PCDH11X: variants seen among roughly 807,000 people sequenced by gnomAD.
PCDH11X encodes protocadherin 11 X-linked.
PCDH11X carries 18 observed loss-of-function variants against 53.3 expected under a neutral mutation model. The observed-to-expected ratio is 0.34, with a 90% CI of 0.23 to 0.50. The LOEUF (loss-of-function observed/expected upper bound fraction) is 0.50, where lower values mean the gene tolerates loss of function less well. Among genes scored for constraint, PCDH11X ranks in the 20% least tolerant of loss-of-function variants. PCDH11X has a pLI of 0.98. For synonymous variants in PCDH11X, 279 were observed against 393.3 expected, an observed-to-expected ratio of 0.71 and a Z score of 3.44; for missense variants, 570 against 1,032.4, an observed-to-expected ratio of 0.55 and a Z score of 6.14.
intron 6 of PCDH11X, among the ~76,000 whole-genome samples, chrX:92,186,549 A>G (rs946803548): frequency 8.6e-4 from 89 of 103,378 alleles, no homozygotes; most frequent in Non-Finnish European, 1.6e-3. Context: ...AACGGCTTGA[A>G]CCCGGGAGGC....
chrX:92,054,710 C>T (rs1165199176), intron 6 of PCDH11X, among the ~76,000 whole-genome samples: 16 of 107,632 alleles, frequency 1.5e-4, no homozygotes, highest in Middle Eastern at 4.8e-3. Flanking sequence ...ATCCCAGCTA[C>T]TCGGGAGGCT....
At chrX:92,045,214 G>A (rs1333068590) in intron 6 of PCDH11X, among the ~76,000 whole-genome samples, 1 of 108,494 alleles carries the variant, frequency 9.2e-6, no homozygotes, top group East Asian at 3.0e-4. Flanking sequence ...ATTACACCTG[G>A]TACCTGCCCT....
intron 9 of PCDH11X, among the ~76,000 whole-genome samples, chrX:92,428,712 C>G (rs188043234): frequency 1.6e-3 from 173 of 110,947 alleles, no homozygotes; most frequent in African/African-American, 5.6e-3. Flanking sequence ...GAAAATCTAG[C>G]CTTTTAGCTT....
chrX:92,250,477 T>C (rs1026877142), intron 7 of PCDH11X, among the ~76,000 whole-genome samples: 2 of 108,972 alleles, frequency 1.8e-5, no homozygotes, highest in African/African-American at 3.3e-5. Context: ...GATATGTCCA[T>C]TCAGAAACTT....
chrX:91,833,840 C>A lies in PCDH11X; in HGVS notation c.-44-1621C>A, dbSNP rs557691855. Reference sequence around the variant, plus strand: ...TCATATAACACATTGCTTGGCATAACCAGAGCACAATATCCATAACAAGTT... The same window carrying A: ...TCATATAACACATTGCTTGGCATAAACAGAGCACAATATCCATAACAAGTT... On this transcript the variant is annotated intron_variant, in intron 4 of 10. Coordinates refer to ENST00000682573, the MANE Select transcript of PCDH11X (RefSeq NM_032968.5). 9.0e-4 allele frequency among the ~76,000 whole-genome samples: 101 copies of A among 111,615 alleles called. No individual in the cohort carries two copies. In the South Asian group the frequency reaches 0.037, roughly 41 times the overall value.
chrX:92,618,811 C>A lies in PCDH11X; in HGVS notation c.3915C>A (p.Tyr1305Ter). The A allele has an allele frequency of 8.3e-7, 1 of 1,211,962 alleles. No individual in the cohort carries two copies. The highest frequency in any genetic ancestry group is 1.1e-6 in the Non-Finnish European group (1 of 895,475). Reference sequence around the variant, plus strand: ...AAGGTAGTGCAACATCTCAGTTTTACACCATGTCTGAAAGACTTCATCCCA... The same window carrying A: ...AAGGTAGTGCAACATCTCAGTTTTAAACCATGTCTGAAAGACTTCATCCCA... ...GVQGSATSQF[Y>*]TMSERLHPSD... Residue 1305 changes from tyrosine (Y) to a stop codon, truncating the protein, a stop_gained, in exon 11 of 11, where the codon TAC becomes TAA. Transcript: ENST00000682573. LOFTEE classifies it high-confidence loss of function.
Position 92,201,366 on chromosome X carries a change from C to T in PCDH11X, c.3034-9C>T, listed in dbSNP as rs2066387945. The T allele has an allele frequency of 8.4e-7, 1 of 1,193,455 alleles. No homozygotes were observed. The highest frequency in any genetic ancestry group is 1.1e-6 in the Non-Finnish European group (1 of 883,657). On this transcript the variant is annotated splice_polypyrimidine_tract_variant and intron_variant, in intron 6 of 10. Coordinates refer to ENST00000682573, the MANE Select transcript of PCDH11X (RefSeq NM_032968.5). Reference sequence around the variant, plus strand: ...GCTTAAAATACTTCTATTTTCTTCCCTTCTAAAGCCAATGAAGGAGGTTGT... The same window carrying T: ...GCTTAAAATACTTCTATTTTCTTCCTTTCTAAAGCCAATGAAGGAGGTTGT...
At chrX:92,254,386 CTT>C (rs1421778090) in intron 7 of PCDH11X, among the ~76,000 whole-genome samples, 1 of 110,904 alleles carries the variant, frequency 9.0e-6, no homozygotes, top group Non-Finnish European at 1.9e-5. Context: ...GGTCTTGACT[CTT>C]TATCCAATTT....
At chrX:92,128,622 C>A (rs2064915213) in intron 6 of PCDH11X, among the ~76,000 whole-genome samples, 1 of 110,060 alleles carries the variant, frequency 9.1e-6, no homozygotes, top group Non-Finnish European at 1.9e-5. Flanking sequence ...TGGTCTCAAA[C>A]TCCTGACTTC....
intron 8 of PCDH11X, among the ~76,000 whole-genome samples, chrX:92,299,085 G>A (rs1231553242): frequency 1.8e-5 from 2 of 111,184 alleles, no homozygotes; most frequent in Admixed American, 9.6e-5. Context: ...GGTTTGGGGA[G>A]TTCCTTTAGT....
chrX:92,015,173 T>A (rs1045912162), intron 6 of PCDH11X, among the ~76,000 whole-genome samples: 3 of 112,227 alleles, frequency 2.7e-5, no homozygotes, highest in Non-Finnish European at 3.8e-5. Context: ...AATCTTTTTT[T>A]TTAAAGAAAG....
chrX:92,233,706 T>A (rs2067123055), intron 7 of PCDH11X, among the ~76,000 whole-genome samples: 1 of 112,165 alleles, frequency 8.9e-6, no homozygotes, highest in South Asian at 3.7e-4. Context: ...ATTCTATGGA[T>A]GTTTTTGAAT....
chrX:91,907,232 G>A (rs933308090), intron 6 of PCDH11X, among the ~76,000 whole-genome samples: 1 of 106,834 alleles, frequency 9.4e-6, no homozygotes, highest in Admixed American at 1.1e-4. Flanking sequence ...TAGTGTTTTT[G>A]TACATAGTTG....
chrX:91,898,373 A>C (rs1170002983), intron 6 of PCDH11X, among the ~76,000 whole-genome samples: 1 of 109,318 alleles, frequency 9.1e-6, no homozygotes, highest in African/African-American at 3.3e-5. Context: ...ATTAGAGCTC[A>C]CTTGCATGGT....
chrX:92,140,755 G>T (rs2065165454), intron 6 of PCDH11X, among the ~76,000 whole-genome samples: 1 of 111,350 alleles, frequency 9.0e-6, no homozygotes, highest in South Asian at 3.7e-4. Flanking sequence ...CCAGCTCTCT[G>T]CTGTAAAGAC....
chrX:92,101,612 G>T (rs1313961123), intron 6 of PCDH11X, among the ~76,000 whole-genome samples: 16 of 110,848 alleles, frequency 1.4e-4, no homozygotes, highest in African/African-American at 4.3e-4. Flanking sequence ...CTAAACTGAG[G>T]AATTATGTCT....
chrX:91,994,823 T>C (rs1237820841), intron 6 of PCDH11X, among the ~76,000 whole-genome samples: 1 of 111,072 alleles, frequency 9.0e-6, no homozygotes, highest in Non-Finnish European at 1.9e-5. Flanking sequence ...TTTTACTGTT[T>C]TTTATAATAG....
rs182067535 is a variant in PCDH11X at position 92,410,676 on chromosome X, C to T, written c.3343+22743C>T. The stretch of plus-strand genomic sequence containing the variant: ...TAAAGGATTTATAAGGCTGTAAATC[C>T]AGAAACTCAAGCATAATATTTATTA... On this transcript the variant is annotated intron_variant, in intron 9 of 10. Transcript: ENST00000682573. 3.7e-3 allele frequency among the ~76,000 whole-genome samples: 385 copies of T among 102,770 alleles called. 9 individuals are homozygous for T. In the South Asian group the frequency reaches 0.043, roughly 12 times the overall value. The allele number at this position is 102,770 out of a possible 115,157, so 89.2% of individuals were successfully genotyped here.
chrX:92,551,760 C>A (rs1457070767), intron 10 of PCDH11X, among the ~76,000 whole-genome samples: 2 of 110,426 alleles, frequency 1.8e-5, no homozygotes, highest in African/African-American at 6.6e-5. Context: ...GTTTTAGTCT[C>A]CATACAAATA....
Sources: gnomAD v4.1 joint callset for allele counts (sites outside exome capture counted in the v4.1 genomes callset) on GRCh38, gnomAD v4.1.1 for gene constraint, MANE v1.5 for transcripts, NCBI Gene and HGNC (gene_info 2026-07-23, HGNC 2026-07-21) for gene names.